Variants in ZNF136 observed in about 807,000 individuals in gnomAD.
The protein encoded by ZNF136 is zinc finger protein 136 (clone pHZ-20).
ZNF136 carries 8 observed loss-of-function variants against 11.4 expected under a neutral mutation model. The ratio of observed to expected loss-of-function variants is 0.70; its 90% CI spans 0.41 to 1.27. The LOEUF is 1.27. Among genes scored for constraint, ZNF136 ranks in the 50% most tolerant of loss-of-function variants. The pLI, the probability that ZNF136 is intolerant of heterozygous loss-of-function variation, is 0.01. For missense variants in ZNF136, 590 were observed against 656.5 expected, an observed-to-expected ratio of 0.90 and a Z score of 1.11; for synonymous variants, 190 against 207.1, an observed-to-expected ratio of 0.92 and a Z score of 0.71.
At chr19:12,166,847 G>A (rs1375981445) in intron 1 of ZNF136, among the ~76,000 whole-genome samples, 1 of 152,172 alleles carries the variant, frequency 6.6e-6, no homozygotes, top group Non-Finnish European at 1.5e-5. Flanking sequence ...ATCCACATGA[G>A]GTATGTAAAG....
chr19:12,169,790 T>G (rs544211621), intron 1 of ZNF136, among the ~76,000 whole-genome samples: 2 of 151,098 alleles, frequency 1.3e-5, no homozygotes, highest in South Asian at 2.1e-4. Flanking sequence ...TTTTGTATTT[T>G]TATTTTTATT....
intron 1 of ZNF136, among the ~76,000 whole-genome samples, chr19:12,168,278 T>C (rs1425927782): frequency 6.6e-6 from 1 of 151,848 alleles, no homozygotes; most frequent in Non-Finnish European, 1.5e-5. Flanking sequence ...TTCACCATAT[T>C]AGCCAGGCTG....
intron 1 of ZNF136, among the ~76,000 whole-genome samples, chr19:12,168,480 C>T (rs889118628): frequency 2.0e-5 from 3 of 151,928 alleles, no homozygotes; most frequent in Admixed American, 6.6e-5. Context: ...GGTTGGTGAA[C>T]GCAGTGATGT....
chr19:12,168,176 G>A (rs112011473), intron 1 of ZNF136, among the ~76,000 whole-genome samples: 25,807 of 145,560 alleles, frequency 0.18, 2,594 homozygotes, highest in African/African-American at 0.28. Context: ...GGGTTCAAGC[G>A]ATTCTCCTGC....
At position 12,187,355 on chromosome 19, in the gene ZNF136, A is replaced by C; in HGVS notation, c.977A>C (p.His326Pro). 6.2e-7 allele frequency: 1 copy of C among 1,614,140 alleles called. No homozygotes were observed. The highest frequency in any genetic ancestry group is 8.5e-7 in the Non-Finnish European group (1 of 1,180,004). ...AFSYLPSLRL[H>P]ERIHTGEKPF... is the part of the protein sequence containing the mutation. ...AGTTATCTCCCCTCCCTTCGACTACATGAAAGAATTCACACTGGTGAGAAA... is the reference window on the plus strand; with the variant it reads ...AGTTATCTCCCCTCCCTTCGACTACCTGAAAGAATTCACACTGGTGAGAAA... The change falls in exon 4 of 4, where the codon CAT (histidine) becomes CCT (proline). Residue 326 changes from histidine (H) to proline (P), a missense_variant. His to Pro is a moderately conservative substitution (Grantham distance 77, BLOSUM62 -2). Coordinates refer to ENST00000343979, the MANE Select transcript of ZNF136 (RefSeq NM_003437.5).
At chr19:12,186,390 CTGTT>C (rs572982512) in intron 3 of ZNF136, among the ~76,000 whole-genome samples, 176 bp from the exon 4 acceptor site, 99 of 152,304 alleles carry the variant, frequency 6.5e-4, no homozygotes, top group African/African-American at 2.2e-3. Flanking sequence ...AAGAATATCA[CTGTT>C]TGAGTGATAG....
chr19:12,163,695 A>G (rs1977144790), intron 1 of ZNF136: 1 of 159,014 alleles, frequency 6.3e-6, no homozygotes, highest in African/African-American at 2.4e-5. Context: ...CGCTTTTCCA[A>G]ACGCCAACCT....
Position 12,187,403 on chromosome 19 carries a change from G to C in ZNF136, c.1025G>C (p.Gly342Ala), listed in dbSNP as rs1234849531. 36 of 1,613,992 alleles carry C rather than the reference G, an allele frequency of 2.2e-5. No homozygotes were observed. The highest frequency in any genetic ancestry group is 3.0e-5 in the Non-Finnish European group (35 of 1,179,968). The change falls in exon 4 of 4, where the codon GGT becomes GCT. Residue 342 changes from glycine (G) to alanine (A), a missense_variant. Physicochemically the swap from Gly to Ala is moderately conservative, Grantham distance 60. Transcript: ENST00000343979. ...AAACCCTTCGTATGTAAACAATGTG[G>C]TAAAGCCTTTAGATCTGCCAGTACC... is the stretch of plus-strand genomic sequence containing the variant. ...GEKPFVCKQC[G>A]KAFRSASTFQ...
At position 12,187,511 on chromosome 19, in the gene ZNF136, G is replaced by C. The variant is rs749120193; in HGVS notation, c.1133G>C (p.Ser378Thr). ...ECGEAFSCIPSMRRHMIKHTG... is the reference protein window; with the variant it reads ...ECGEAFSCIPTMRRHMIKHTG... ...GGGGAAGCATTCAGTTGTATCCCAA[G>C]TATGCGAAGACACATGATAAAACAT... Residue 378 changes from serine (S) to threonine (T), a missense_variant, in exon 4 of 4, where the codon AGT becomes ACT. By Grantham distance (58) the Ser-to-Thr change is moderately conservative. Transcript: ENST00000343979. The C allele has an allele frequency of 5.0e-6, 8 of 1,613,370 alleles. No individual in the cohort carries two copies. In the African/African-American group the frequency reaches 1.1e-4, roughly 22 times the overall value.
rs752780410 is a variant in ZNF136, at chr19:12,187,852, C to T, written c.1474C>T (p.Arg492Ter). The change falls in exon 4 of 4, where the codon CGA becomes TGA. Residue 492 changes from arginine (R) to a stop codon, truncating the protein, a stop_gained. Coordinates refer to ENST00000343979, the MANE Select transcript of ZNF136 (RefSeq NM_003437.5). LOFTEE classifies it low-confidence loss of function (END_TRUNC). ...GKAFRSSSSFRLHERTHTGQK... is the reference protein window; with the variant it reads ...GKAFRSSSSF The stretch of plus-strand genomic sequence containing the variant: ...AGCCTTTAGATCTTCTAGTTCCTTT[C>T]GACTACATGAAAGGACTCACACTGG... 17 of 1,604,370 alleles carry T rather than the reference C, an allele frequency of 1.1e-5. No individual in the cohort carries two copies. Among genetic ancestry groups the T allele is most frequent in the African/African-American group, 1.3e-5 (1 of 74,438 alleles).
chr19:12,163,691 T>G (rs747836973), intron 1 of ZNF136: 1 of 159,740 alleles, frequency 6.3e-6, no homozygotes, highest in Non-Finnish European at 1.4e-5. Flanking sequence ...TTTTCGCTTT[T>G]CCAAACGCCA....
chr19:12,163,473 C>T (rs774124669), intron 1 of ZNF136, among the ~76,000 whole-genome samples: 60 of 152,204 alleles, frequency 3.9e-4, no homozygotes, highest in African/African-American at 1.1e-3. Context: ...GCGGGGCCCA[C>T]GCGAGGGTCA....
At chr19:12,184,020 A>G (rs573897724) in intron 1 of ZNF136, among the ~76,000 whole-genome samples, 2 of 151,966 alleles carry the variant, frequency 1.3e-5, no homozygotes, top group South Asian at 2.1e-4. Flanking sequence ...TAATCCCAGC[A>G]CTTCGGGAGG....
chr19:12,184,264 CA>C (rs560661454), intron 1 of ZNF136, among the ~76,000 whole-genome samples: 120 of 107,182 alleles, frequency 1.1e-3, no homozygotes, highest in Admixed American at 1.2e-3. Context: ...AGACTCCATC[CA>C]AAAAAAAAAA....
In ZNF136 at chr19:12,187,523, A is replaced by T. The variant is rs772594272; in HGVS notation, c.1145A>T (p.His382Leu). 29 of 1,613,832 alleles carry T rather than the reference A, an allele frequency of 1.8e-5. No homozygotes were observed. The highest frequency in any genetic ancestry group is 2.4e-5 in the Non-Finnish European group (28 of 1,179,992). The change falls in exon 4 of 4, where the codon CAC becomes CTC. Residue 382 changes from histidine (H) to leucine (L), a missense_variant. Coordinates refer to ENST00000343979, the MANE Select transcript of ZNF136 (RefSeq NM_003437.5). ...AFSCIPSMRR[H>L]MIKHTGEGPY... ...AGTTGTATCCCAAGTATGCGAAGAC[A>T]CATGATAAAACATACTGGAGAAGGA...
At chr19:12,170,999 C>T (rs1914640616) in intron 1 of ZNF136, among the ~76,000 whole-genome samples, 1 of 152,084 alleles carries the variant, frequency 6.6e-6, no homozygotes, top group Non-Finnish European at 1.5e-5. Flanking sequence ...CCACGCCCGG[C>T]TAATTTTGTT....
intron 1 of ZNF136, among the ~76,000 whole-genome samples, chr19:12,165,086 G>A (rs1977167089): frequency 6.6e-6 from 1 of 152,148 alleles, no homozygotes; most frequent in South Asian, 2.1e-4. Flanking sequence ...AGGTCGACAA[G>A]GGAAAAGACG....
At position 12,186,698 on chromosome 19, in the gene ZNF136, A is replaced by G. The variant is rs10425995; in HGVS notation, c.320A>G (p.Tyr107Cys). The change falls in exon 4 of 4, where the codon TAT (tyrosine) becomes TGT (cysteine). Residue 107 changes from tyrosine (Y) to cysteine (C), a missense_variant. By Grantham distance (194) the Tyr-to-Cys change is radical. Coordinates refer to ENST00000343979, the MANE Select transcript of ZNF136 (RefSeq NM_003437.5). ...GTGAAACTCTGTGAAAGCATTGTAT[A>G]TGGAGAAGTCAGCATGGGTCAGTCA... is the stretch of plus-strand genomic sequence containing the variant. ...PGVKLCESIV[Y>C]GEVSMGQSSL... 2,324 of 1,614,172 alleles carry G rather than the reference A, an allele frequency of 1.4e-3. 34 individuals carry two copies. In the African/African-American group the frequency reaches 0.027, roughly 19 times the overall value.
intron 1 of ZNF136, among the ~76,000 whole-genome samples, chr19:12,181,915 G>A (rs1340811656): frequency 2.0e-5 from 3 of 152,112 alleles, no homozygotes; most frequent in Non-Finnish European, 2.9e-5. Flanking sequence ...GATTACAGGT[G>A]TGAGCCACCG....
Sources: gnomAD v4.1 joint callset for allele counts (sites outside exome capture counted in the v4.1 genomes callset) on GRCh38, gnomAD v4.1.1 for gene constraint, MANE v1.5 for transcripts, NCBI Gene and HGNC (gene_info 2026-07-23, HGNC 2026-07-21) for gene names.